NLGN1: variants seen among roughly 807,000 people sequenced by gnomAD.
NLGN1 encodes the protein neuroligin-1.
A neutral mutation model predicts 65.5 loss-of-function variants in NLGN1; 12 were observed. That is an observed-to-expected ratio of 0.18 (90% CI 0.12 to 0.30). NLGN1 has a LOEUF of 0.30. NLGN1 is among the 10% of genes least tolerant of loss of function. The probability of loss-of-function intolerance (pLI) is 1.00; values close to 1 mark genes in which losing one functional copy is unlikely to be tolerated. For missense variants in NLGN1, 750 were observed against 1,007.1 expected, an observed-to-expected ratio of 0.74 and a Z score of 3.46; for synonymous variants, 350 against 359.5, an observed-to-expected ratio of 0.97 and a Z score of 0.30.
At chr3:173,783,637 C>T (rs996445002) in intron 3 of NLGN1, among the ~76,000 whole-genome samples, 30 of 152,066 alleles carry the variant, frequency 2.0e-4, no homozygotes, top group African/African-American at 7.2e-4. Flanking sequence ...TTTTTTGAGA[C>T]GGAATCTTGC....
At chr3:173,560,141 C>T (rs970097958) in intron 2 of NLGN1, among the ~76,000 whole-genome samples, 1 of 152,044 alleles carries the variant, frequency 6.6e-6, no homozygotes, top group African/African-American at 2.4e-5. Flanking sequence ...GACGGGGTTT[C>T]ACCGCGGTCT....
intron 4 of NLGN1, among the ~76,000 whole-genome samples, chr3:174,060,025 G>A (rs923108060): frequency 7.2e-5 from 11 of 152,070 alleles, no homozygotes; most frequent in Admixed American, 3.9e-4. Context: ...ACTCAAAAAC[G>A]TCACTTAACT....
At chr3:173,439,687 A>G (rs553148936) in intron 2 of NLGN1, among the ~76,000 whole-genome samples, 5 of 152,274 alleles carry the variant, frequency 3.3e-5, no homozygotes, top group South Asian at 4.1e-4. Flanking sequence ...ATTGTAGTCA[A>G]TTAAGCATGC....
downstream of NLGN1, among the ~76,000 whole-genome samples, chr3:174,287,821 G>A (rs928639190): frequency 6.6e-6 from 1 of 151,428 alleles, no homozygotes; most frequent in African/African-American, 2.4e-5. Flanking sequence ...CTCCAAGGGG[G>A]TAAAGTTGTG....
At chr3:174,276,419 A>G (rs543118590) in intron 5 of NLGN1, among the ~76,000 whole-genome samples, 96 of 152,034 alleles carry the variant, frequency 6.3e-4, no homozygotes, top group African/African-American at 2.3e-3. Context: ...TGCATTATTT[A>G]TGTATGATAG....
intron 4 of NLGN1, among the ~76,000 whole-genome samples, chr3:173,914,591 A>G (rs1334012407): frequency 6.6e-6 from 1 of 152,108 alleles, no homozygotes; most frequent in African/African-American, 2.4e-5. Flanking sequence ...TACATCGTCA[A>G]GCTCTGGGAC....
At chr3:173,539,854 T>C (rs1049293274) in intron 2 of NLGN1, among the ~76,000 whole-genome samples, 6 of 137,200 alleles carry the variant, frequency 4.4e-5, no homozygotes, top group Non-Finnish European at 9.4e-5. Context: ...ATATTATATG[T>C]TATGTATGTG....
chr3:173,780,916 C>T (rs896929920), intron 3 of NLGN1, among the ~76,000 whole-genome samples: 8 of 151,964 alleles, frequency 5.3e-5, no homozygotes, highest in African/African-American at 9.6e-5. Flanking sequence ...CCGAGGCGGG[C>T]GGATCACGAG....
intron 3 of NLGN1, among the ~76,000 whole-genome samples, chr3:173,632,973 T>G (rs935496890): frequency 6.6e-6 from 1 of 151,682 alleles, no homozygotes; most frequent in Admixed American, 6.6e-5. Context: ...GGTGGCCAAA[T>G]GATTGTTGTT....
intron 4 of NLGN1, among the ~76,000 whole-genome samples, chr3:174,088,051 A>G (rs1743754698): frequency 6.6e-6 from 1 of 152,238 alleles, no homozygotes; most frequent in Non-Finnish European, 1.5e-5. Flanking sequence ...TGTATAGCGT[A>G]TATATGCTAA....
chr3:173,546,654 G>C (rs1385071991), intron 2 of NLGN1, among the ~76,000 whole-genome samples: 1 of 152,120 alleles, frequency 6.6e-6, no homozygotes, highest in African/African-American at 2.4e-5. Flanking sequence ...TCCTCTGTCT[G>C]TTATGTATAG....
intron 4 of NLGN1, among the ~76,000 whole-genome samples, chr3:173,883,736 C>G (rs1733768837): frequency 6.6e-6 from 1 of 151,152 alleles, no homozygotes; most frequent in African/African-American, 2.4e-5. Flanking sequence ...TGTAATTGCC[C>G]ATGTTGACAT....
chr3:173,928,919 C>G (rs992322248), intron 4 of NLGN1, among the ~76,000 whole-genome samples: 14 of 151,918 alleles, frequency 9.2e-5, no homozygotes, highest in African/African-American at 3.4e-4. Context: ...GATTCACCTG[C>G]CTAGGCCTTC....
At chr3:173,976,059 T>C (rs1312036077) in intron 4 of NLGN1, among the ~76,000 whole-genome samples, 1 of 152,042 alleles carries the variant, frequency 6.6e-6, no homozygotes, top group African/African-American at 2.4e-5. Context: ...CTGAGTGATA[T>C]GCACTGTGTA....
chr3:173,538,172 A>G (rs1737768986), intron 2 of NLGN1, among the ~76,000 whole-genome samples: 1 of 152,182 alleles, frequency 6.6e-6, no homozygotes, highest in African/African-American at 2.4e-5. Context: ...TGGGAGAAAC[A>G]GCACCATATA....
intron 4 of NLGN1, among the ~76,000 whole-genome samples, chr3:174,119,675 C>G (rs952102665): frequency 2.6e-5 from 4 of 152,170 alleles, no homozygotes; most frequent in African/African-American, 9.7e-5. Flanking sequence ...AGAAGCTAAA[C>G]TAGCTTCTTA....
chr3:173,988,622 T>C (rs1720443780), intron 4 of NLGN1, among the ~76,000 whole-genome samples: 1 of 152,152 alleles, frequency 6.6e-6, no homozygotes, highest in Non-Finnish European at 1.5e-5. Context: ...CAAGAATTAT[T>C]AATAATGCCT....
intron 2 of NLGN1, among the ~76,000 whole-genome samples, chr3:173,527,131 T>C (rs1735778891): frequency 6.6e-6 from 1 of 152,204 alleles, no homozygotes; most frequent in Non-Finnish European, 1.5e-5. Context: ...TTTAGTTTCT[T>C]GAGGAACCTC....
rs189731717 is a variant in NLGN1 at position 173,849,925 on chromosome 3, A to G, written c.646+42093A>G. Among the ~76,000 whole-genome samples the G allele has an allele frequency of 2.0e-3, 303 of 152,306 alleles. 1 individual carries two copies. The highest frequency in any genetic ancestry group is 3.4e-3 in the Non-Finnish European group (228 of 68,014). On this transcript the variant is annotated intron_variant, in intron 4 of 6. Coordinates refer to ENST00000457714, the Ensembl canonical transcript of NLGN1. ...GTGAGCTCAAATGTAATACAGTAAT[A>G]TACTATAATAAAATATATTTATCTG...
Sources: gnomAD v4.1 joint callset for allele counts (sites outside exome capture counted in the v4.1 genomes callset) on GRCh38, gnomAD v4.1.1 for gene constraint, MANE v1.5 for transcripts, NCBI Gene and HGNC (gene_info 2026-07-23, HGNC 2026-07-21) for gene names.